The following COL21A1 variants were observed in gnomAD, a reference collection of about 807,000 sequenced individuals.
The protein encoded by COL21A1 is collagen alpha-1(XXI) chain.
Under a neutral mutation model 137.9 loss-of-function variants are expected in COL21A1, and 149 were observed. The ratio of observed to expected loss-of-function variants is 1.08; its 90% CI spans 0.95 to 1.24. The LOEUF (loss-of-function observed/expected upper bound fraction) is 1.24. Among genes scored for constraint, COL21A1 ranks in the 50% most tolerant of loss-of-function variants. The pLI is 0.00. For missense variants in COL21A1, 1,167 were observed against 1,158.4 expected (o/e 1.01, Z -0.11); for synonymous variants, 456 against 391.5 (o/e 1.16, Z -1.95).
intron 1 of COL21A1, among the ~76,000 whole-genome samples, chr6:56,312,978 A>G (rs1764645562): frequency 6.6e-6 from 1 of 152,182 alleles, no homozygotes; most frequent in Non-Finnish European, 1.5e-5. Context: ...TTGAATCCAT[A>G]GCCTTCCGCA....
intron 1 of COL21A1, among the ~76,000 whole-genome samples, chr6:56,393,100 A>T (rs1322242357): frequency 1.3e-5 from 2 of 152,076 alleles, no homozygotes; most frequent in Admixed American, 6.6e-5. Flanking sequence ...ACTTCACATT[A>T]TACCACAGAG....
intron 17 of COL21A1, chr6:56,078,334 T>C: frequency 2.4e-6 from 1 of 411,070 alleles, no homozygotes; most frequent in Non-Finnish European, 4.9e-6. Context: ...ACAGTGATTG[T>C]ACTAATCAAT....
chr6:56,249,172 A>G (rs1054161127), upstream of COL21A1, among the ~76,000 whole-genome samples: 2 of 152,250 alleles, frequency 1.3e-5, no homozygotes, highest in Non-Finnish European at 2.9e-5. Flanking sequence ...AACCACAAGC[A>G]GATACACTTT....
At chr6:56,335,264 G>A (rs1765311097) in intron 1 of COL21A1, among the ~76,000 whole-genome samples, 1 of 152,064 alleles carries the variant, frequency 6.6e-6, no homozygotes, top group African/African-American at 2.4e-5. Flanking sequence ...ACAATGGCCA[G>A]GCTAGATATA....
At chr6:56,110,856 T>C (rs1009030334) in intron 16 of COL21A1, among the ~76,000 whole-genome samples, 1 of 152,102 alleles carries the variant, frequency 6.6e-6, no homozygotes, top group Non-Finnish European at 1.5e-5. Flanking sequence ...ACCATGTTCA[T>C]GGATTGAAAA....
chr6:56,369,667 T>C (rs564252157), intron 1 of COL21A1, among the ~76,000 whole-genome samples: 19 of 152,194 alleles, frequency 1.2e-4, no homozygotes, highest in Non-Finnish European at 1.3e-4. Context: ...ATCTTTTAAA[T>C]CAATTAGAAT....
At chr6:56,208,848 C>T (rs1779968185) in intron 1 of COL21A1, among the ~76,000 whole-genome samples, 1 of 152,212 alleles carries the variant, frequency 6.6e-6, no homozygotes, top group Non-Finnish European at 1.5e-5. Flanking sequence ...CGGAACAGAA[C>T]AGAGGCCTCA....
chr6:56,320,489 T>A (rs1038086355), intron 1 of COL21A1, among the ~76,000 whole-genome samples: 4 of 150,884 alleles, frequency 2.7e-5, no homozygotes, highest in Non-Finnish European at 5.9e-5. Flanking sequence ...AAAGTCCCTA[T>A]GATAACCCCC....
At chr6:56,378,042 C>G (rs1562078484) in intron 1 of COL21A1, among the ~76,000 whole-genome samples, 1 of 152,088 alleles carries the variant, frequency 6.6e-6, no homozygotes, top group Non-Finnish European at 1.5e-5. Flanking sequence ...ACTAAAGAGC[C>G]CTTGGGCCCC....
intron 2 of COL21A1, 96 bp from the exon 3 acceptor site, chr6:56,180,225 C>G (rs1452469739): frequency 4.5e-6 from 4 of 880,968 alleles, no homozygotes; most frequent in Admixed American, 6.1e-5. Flanking sequence ...ACACTAATAT[C>G]ATTGCTTATT....
intron 1 of COL21A1, among the ~76,000 whole-genome samples, chr6:56,234,930 G>A (rs1225017989): frequency 6.8e-6 from 1 of 146,270 alleles, no homozygotes; most frequent in Non-Finnish European, 1.5e-5. Flanking sequence ...ATCTTCCCCT[G>A]CTCCAGTGAT....
At position 56,389,089 on chromosome 6, in the gene COL21A1, G is replaced by A. The variant is rs558160654; in HGVS notation, c.-39+4882C>T. 6.6e-5 allele frequency among the ~76,000 whole-genome samples: 10 copies of A among 152,292 alleles called. No individual in the cohort carries two copies. In the South Asian group the frequency reaches 1.9e-3, roughly 28 times the overall value. ...TAAAAATATGCAAAGGAGGCTGGGC[G>A]TGGTGGCTCATGCCTATAATCCCAG... On this transcript the variant is annotated intron_variant, in intron 1 of 28. Coordinates refer to the COL21A1 transcript ENST00000370819.
chr6:56,168,375 T>C (rs1251759842), intron 5 of COL21A1, 78 bp from the exon 6 acceptor site: 1 of 1,209,536 alleles, frequency 8.3e-7, no homozygotes, highest in Non-Finnish European at 1.1e-6. Flanking sequence ...ACTCCCTTGT[T>C]CCTAACCATT....
At chr6:56,203,137 T>C (rs1451347390) in intron 1 of COL21A1, among the ~76,000 whole-genome samples, 1 of 152,234 alleles carries the variant, frequency 6.6e-6, no homozygotes, top group African/African-American at 2.4e-5. Flanking sequence ...ATAAAACTTC[T>C]AAGACTAATA....
intron 1 of COL21A1, among the ~76,000 whole-genome samples, chr6:56,270,207 A>G (rs547281418): frequency 1.3e-5 from 2 of 152,202 alleles, no homozygotes; most frequent in South Asian, 2.1e-4. Flanking sequence ...CACAGGCTCA[A>G]TGTAAATAGA....
intron 9 of COL21A1, among the ~76,000 whole-genome samples, chr6:56,159,930 G>GA (rs1776068553): frequency 1.3e-5 from 2 of 152,032 alleles, no homozygotes; most frequent in African/African-American, 4.8e-5. Context: ...GTTCCCAAAT[G>GA]AAAAAATTAC....
intron 10 of COL21A1, among the ~76,000 whole-genome samples, chr6:56,149,741 A>G (rs1362587861): frequency 2.6e-5 from 4 of 152,080 alleles, no homozygotes; most frequent in Non-Finnish European, 5.9e-5. Context: ...ACTTCAAAAT[A>G]TCCCCCAAAT....
intron 1 of COL21A1, among the ~76,000 whole-genome samples, chr6:56,378,640 C>T (rs890751943): frequency 1.3e-5 from 2 of 152,208 alleles, no homozygotes; most frequent in Non-Finnish European, 2.9e-5. Flanking sequence ...CTGCCTGGGG[C>T]CTGTGGGAAC....
At chr6:56,135,857 T>C (rs1773959709) in intron 12 of COL21A1, among the ~76,000 whole-genome samples, 1 of 152,218 alleles carries the variant, frequency 6.6e-6, no homozygotes, top group African/African-American at 2.4e-5. Context: ...GACTTTCTTC[T>C]TTGGCACTTA....
Sources: allele counts gnomAD v4.1 joint callset (sites outside exome capture counted in the v4.1 genomes callset), GRCh38; gene constraint gnomAD v4.1.1; transcripts MANE v1.5; gene names NCBI Gene and HGNC (gene_info 2026-07-23, HGNC 2026-07-21).